Variants in PDZRN4 observed in about 807,000 individuals in gnomAD.
PDZRN4 encodes PDZ domain containing ring finger 4.
PDZRN4 carries 70 observed loss-of-function variants against 99.0 expected under a neutral mutation model. That is an observed-to-expected ratio of 0.71 (90% CI 0.58 to 0.86). The LOEUF is 0.86. Among genes scored for constraint, PDZRN4 ranks in the 40% least tolerant of loss-of-function variants. The probability of loss-of-function intolerance (pLI) is 0.00; values close to 1 mark genes in which losing one functional copy is unlikely to be tolerated. For missense variants in PDZRN4, 1,474 were observed against 1,331.2 expected, an observed-to-expected ratio of 1.11 and a Z score of -1.67; for synonymous variants, 551 against 501.6, an observed-to-expected ratio of 1.10 and a Z score of -1.32.
Position 41,428,643 on chromosome 12 carries a change from T to C in PDZRN4, c.844-77813T>C, listed in dbSNP as rs993945932. Among the ~76,000 whole-genome samples the C allele has an allele frequency of 4.6e-5, 7 of 152,310 alleles. No homozygotes were observed. In the East Asian group the frequency reaches 7.7e-4, roughly 17 times the overall value. ...GTGTGTGTGCAAGTGTATATGTATG[T>C]GTGTATGATAGCAAGAGTGAGCAAG... is the stretch of plus-strand genomic sequence containing the variant. On this transcript the variant is annotated intron_variant, in intron 3 of 9. Coordinates refer to ENST00000402685, the MANE Select transcript of PDZRN4 (RefSeq NM_001164595.2).
rs1156666861 is a variant in PDZRN4 at position 41,219,528 on chromosome 12, A to G, written c.843+25340A>G. On this transcript the variant is annotated intron_variant, in intron 3 of 9. Coordinates refer to ENST00000402685, the MANE Select transcript of PDZRN4 (RefSeq NM_001164595.2). ...GTAAGCTTCACTTCTTTGCTAATCA[A>G]TTGCAGCCTTGGTAATGTTCTTAAT... Among the ~76,000 whole-genome samples the G allele has an allele frequency of 3.3e-5, 5 of 152,106 alleles. No homozygotes were observed. In the East Asian group the frequency reaches 9.7e-4, roughly 29 times the overall value.
rs530201610 is a variant in PDZRN4, at chr12:41,425,075, A to T, written c.844-81381A>T. 2.0e-5 allele frequency among the ~76,000 whole-genome samples: 3 copies of T among 152,322 alleles called. No homozygotes were observed. The South Asian group carries it at 6.2e-4, about 32-fold the overall frequency. ...CATTCACAACATATGATTAAAAAAT[A>T]AAATACTTTCAGTAACAGGCTTTTT... On this transcript the variant is annotated intron_variant, in intron 3 of 9. Coordinates refer to ENST00000402685, the MANE Select transcript of PDZRN4 (RefSeq NM_001164595.2).
At chr12:41,448,486 T>C (rs1551594) in intron 3 of PDZRN4, among the ~76,000 whole-genome samples, 22,161 of 147,582 alleles carry the variant, frequency 0.15, 1,727 homozygotes, top group Non-Finnish European at 0.17. Context: ...ACTTAAAGTA[T>C]AGTCAGATGC....
At chr12:41,260,227 C>T (rs1951228160) in intron 3 of PDZRN4, among the ~76,000 whole-genome samples, 3 of 151,960 alleles carry the variant, frequency 2.0e-5, no homozygotes. Flanking sequence ...TATTTTTTGA[C>T]TTACGTATTA....
chr12:41,195,094 G>C (rs1041644969), intron 3 of PDZRN4, among the ~76,000 whole-genome samples: 4 of 152,154 alleles, frequency 2.6e-5, no homozygotes, highest in African/African-American at 9.7e-5. Flanking sequence ...GGGTGATAAA[G>C]TGAGCACCTA....
intron 3 of PDZRN4, among the ~76,000 whole-genome samples, chr12:41,215,178 G>A (rs1165392844): frequency 1.3e-5 from 2 of 152,046 alleles, no homozygotes; most frequent in South Asian, 2.1e-4. Flanking sequence ...CATTAGGGAT[G>A]CATTTGTTTA....
At chr12:41,277,641 C>T (rs780924198) in intron 3 of PDZRN4, among the ~76,000 whole-genome samples, 25 of 152,214 alleles carry the variant, frequency 1.6e-4, no homozygotes, top group Non-Finnish European at 2.5e-4. Flanking sequence ...CAGTGATCCC[C>T]AGCTGTGCTG....
chr12:41,527,431 G>C (rs10880093), intron 5 of PDZRN4, among the ~76,000 whole-genome samples: 21,189 of 152,050 alleles, frequency 0.14, 1,943 homozygotes, highest in Non-Finnish European at 0.2. Flanking sequence ...ATTCCAGATA[G>C]ACCCATTTTT....
intron 3 of PDZRN4, among the ~76,000 whole-genome samples, chr12:41,423,784 C>G (rs1290229887): frequency 6.6e-6 from 1 of 152,216 alleles, no homozygotes; most frequent in East Asian, 1.9e-4. Flanking sequence ...CCAAATCATT[C>G]AGAAAGTGAT....
chr12:41,538,457 A>G (rs1405478834), intron 5 of PDZRN4, among the ~76,000 whole-genome samples: 1 of 152,194 alleles, frequency 6.6e-6, no homozygotes, highest in African/African-American at 2.4e-5. Context: ...GCACTAGTGA[A>G]CAGATGCTGA....
rs138910935 is a variant in PDZRN4, at chr12:41,480,393, C to T, written c.844-26063C>T. Among the ~76,000 whole-genome samples the T allele has an allele frequency of 1.1e-4, 17 of 152,132 alleles. 1 individual carries two copies. Among genetic ancestry groups the T allele is most frequent in the East Asian group, 7.7e-4 (4 of 5,186 alleles). Reference sequence around the variant, plus strand: ...TGTTCTATATCTATTTATTATATTACGAATATAGATGTTCAATGGAGTAAG... The same window carrying T: ...TGTTCTATATCTATTTATTATATTATGAATATAGATGTTCAATGGAGTAAG... On this transcript the variant is annotated intron_variant, in intron 3 of 9. Coordinates refer to ENST00000402685, the MANE Select transcript of PDZRN4 (RefSeq NM_001164595.2).
intron 3 of PDZRN4, among the ~76,000 whole-genome samples, chr12:41,249,845 A>T (rs1248097827): frequency 1.3e-5 from 2 of 152,204 alleles, no homozygotes; most frequent in East Asian, 1.9e-4. Flanking sequence ...ATTCATAGGT[A>T]TAGAGTTTGG....
chr12:41,235,017 GT>G (rs969670128), intron 3 of PDZRN4, among the ~76,000 whole-genome samples: 8 of 152,068 alleles, frequency 5.3e-5, no homozygotes, highest in African/African-American at 1.9e-4. Context: ...GGGTTAGAAG[GT>G]TACCTAAACA....
At chr12:41,506,032 T>C (rs1328142475) in intron 3 of PDZRN4, among the ~76,000 whole-genome samples, 1 of 152,116 alleles carries the variant, frequency 6.6e-6, no homozygotes, top group African/African-American at 2.4e-5. Flanking sequence ...TTTGACAATA[T>C]CTTAAAAAAT....
intron 3 of PDZRN4, among the ~76,000 whole-genome samples, chr12:41,389,213 T>TA (rs1211998560): frequency 6.6e-6 from 1 of 152,110 alleles, no homozygotes; most frequent in African/African-American, 2.4e-5. Flanking sequence ...TGATAAGATA[T>TA]AAAAAATACT....
intron 3 of PDZRN4, among the ~76,000 whole-genome samples, chr12:41,437,524 A>T (rs1456439079): frequency 6.6e-6 from 1 of 152,180 alleles, no homozygotes; most frequent in Non-Finnish European, 1.5e-5. Context: ...AATTTTGTTT[A>T]ACCACACTAC....
chr12:41,400,986 G>T (rs1292097281), intron 3 of PDZRN4, among the ~76,000 whole-genome samples: 1 of 151,998 alleles, frequency 6.6e-6, no homozygotes, highest in Non-Finnish European at 1.5e-5. Flanking sequence ...GATGTAGTTG[G>T]CATTCTCATT....
At chr12:41,313,925 CTG>C (rs956715840) in intron 3 of PDZRN4, among the ~76,000 whole-genome samples, 1 of 152,094 alleles carries the variant, frequency 6.6e-6, no homozygotes, top group Non-Finnish European at 1.5e-5. Context: ...TTGTGTGTAT[CTG>C]TGTGTATAAA....
chr12:41,556,154 G>A (rs377240121), intron 7 of PDZRN4, among the ~76,000 whole-genome samples: 1 of 152,186 alleles, frequency 6.6e-6, no homozygotes, highest in African/African-American at 2.4e-5. Context: ...TGCATAAGTA[G>A]TTAATAAATA....
Sources: allele counts gnomAD v4.1 joint callset (sites outside exome capture counted in the v4.1 genomes callset), GRCh38; gene constraint gnomAD v4.1.1; transcripts MANE v1.5; gene names NCBI Gene and HGNC (gene_info 2026-07-23, HGNC 2026-07-21).